The following GPC6 variants were observed in gnomAD, a reference collection of about 807,000 sequenced individuals.
GPC6 encodes the protein glypican 6, also known as glypican-6.
GPC6 carries 14 observed loss-of-function variants against 55.2 expected under a neutral mutation model. The observed-to-expected ratio is 0.25, with a 90% CI of 0.17 to 0.40. GPC6 has a LOEUF of 0.40. Among genes scored for constraint, GPC6 ranks in the 10% least tolerant of loss-of-function variants. The pLI is 1.00. For synonymous variants in GPC6, 278 were observed against 259.6 expected, an observed-to-expected ratio of 1.07 and a Z score of -0.68; for missense variants, 641 against 708.5, an observed-to-expected ratio of 0.90 and a Z score of 1.08.
At chr13:93,329,521 A>G (rs1329186762) in intron 1 of GPC6, among the ~76,000 whole-genome samples, 1 of 152,336 alleles carries the variant, frequency 6.6e-6, no homozygotes, top group East Asian at 1.9e-4. Flanking sequence ...AGGTTTTGAT[A>G]GCTAATAGGG....
chr13:93,672,440 T>C (rs1262099089), intron 2 of GPC6, among the ~76,000 whole-genome samples: 1 of 152,030 alleles, frequency 6.6e-6, no homozygotes, highest in Non-Finnish European at 1.5e-5. Flanking sequence ...AGCATGTCAG[T>C]TCACTGAGAG....
chr13:93,688,755 A>G (rs1594373419), intron 2 of GPC6, among the ~76,000 whole-genome samples: 1 of 152,056 alleles, frequency 6.6e-6, no homozygotes, highest in Non-Finnish European at 1.5e-5. Flanking sequence ...TAGAAGTTAT[A>G]AAGTGCTGAG....
At chr13:93,409,256 A>G (rs1358307143) in intron 1 of GPC6, among the ~76,000 whole-genome samples, 2 of 151,918 alleles carry the variant, frequency 1.3e-5, no homozygotes, top group East Asian at 1.9e-4. Context: ...TGCCCTACTC[A>G]TTAGTGATTA....
At chr13:93,626,508 T>TA (rs1288755971) in intron 2 of GPC6, among the ~76,000 whole-genome samples, 1 of 152,098 alleles carries the variant, frequency 6.6e-6, no homozygotes, top group African/African-American at 2.4e-5. Context: ...TGCACTGCTA[T>TA]AAAAAATTCC....
intron 2 of GPC6, among the ~76,000 whole-genome samples, chr13:93,805,808 T>G (rs1594472990): frequency 6.6e-6 from 1 of 152,324 alleles, no homozygotes; most frequent in South Asian, 2.1e-4. Flanking sequence ...GGTTTCAACT[T>G]AATTCCCTCA....
intron 3 of GPC6, among the ~76,000 whole-genome samples, chr13:93,972,145 C>G (rs553557013): frequency 4.3e-4 from 65 of 152,122 alleles, no homozygotes; most frequent in Non-Finnish European, 8.5e-4. Flanking sequence ...GCAAATGAAG[C>G]CTGGCAGCAA....
intron 1 of GPC6, among the ~76,000 whole-genome samples, chr13:93,381,616 C>T (rs1007381638): frequency 2.6e-5 from 4 of 152,102 alleles, no homozygotes; most frequent in Non-Finnish European, 4.4e-5. Context: ...TGTCTGGGAA[C>T]GTGTCATTGA....
At chr13:94,109,581 G>A (rs9301936) in intron 4 of GPC6, among the ~76,000 whole-genome samples, 1 of 151,828 alleles carries the variant, frequency 6.6e-6, no homozygotes, top group Non-Finnish European at 1.5e-5. Context: ...AGTAGTTGTC[G>A]AATTCAGTAA....
chr13:93,682,366 C>T (rs916017898), intron 2 of GPC6, among the ~76,000 whole-genome samples: 6 of 152,136 alleles, frequency 3.9e-5, no homozygotes, highest in African/African-American at 1.4e-4. Flanking sequence ...GGGATGCCCC[C>T]ATCCAGCCAT....
chr13:93,860,901 G>A (rs1316102676), intron 3 of GPC6, among the ~76,000 whole-genome samples: 1 of 151,444 alleles, frequency 6.6e-6, no homozygotes, highest in Non-Finnish European at 1.5e-5. Context: ...AACTCACTAA[G>A]TCATTTTTAT....
chr13:94,311,905 G>A (rs939147810), intron 6 of GPC6, among the ~76,000 whole-genome samples: 2 of 152,170 alleles, frequency 1.3e-5, no homozygotes, highest in African/African-American at 2.4e-5. Context: ...GGTTCTGTTC[G>A]ATTGGTCCCA....
chr13:93,989,181 C>T (rs542055069), intron 3 of GPC6, among the ~76,000 whole-genome samples: 2 of 152,276 alleles, frequency 1.3e-5, no homozygotes, highest in Non-Finnish European at 2.9e-5. Context: ...GTGATGCCTT[C>T]TCTCCTCTAA....
intron 2 of GPC6, among the ~76,000 whole-genome samples, chr13:93,708,232 A>G (rs1674359427): frequency 6.6e-6 from 1 of 151,816 alleles, no homozygotes; most frequent in Non-Finnish European, 1.5e-5. Context: ...TTTTAAACAC[A>G]TAGTACTCAA....
At chr13:93,651,104 G>A (rs1880389244) in intron 2 of GPC6, among the ~76,000 whole-genome samples, 1 of 152,098 alleles carries the variant, frequency 6.6e-6, no homozygotes, top group Non-Finnish European at 1.5e-5. Flanking sequence ...ACCTTTTAAT[G>A]AACTCTGCAT....
chr13:94,372,182 TATA>T (rs1242057886), intron 6 of GPC6, among the ~76,000 whole-genome samples: 1 of 152,104 alleles, frequency 6.6e-6, no homozygotes, highest in East Asian at 1.9e-4. Context: ...AGTTGTCTCA[TATA>T]ATATCTCATC....
At chr13:93,996,510 C>A (rs1881563896) in intron 3 of GPC6, among the ~76,000 whole-genome samples, 1 of 151,798 alleles carries the variant, frequency 6.6e-6, no homozygotes, top group Non-Finnish European at 1.5e-5. Context: ...GTGCATGGAC[C>A]GGGGAGAATA....
chr13:94,153,840 T>C (rs894446043), intron 4 of GPC6, among the ~76,000 whole-genome samples: 22 of 152,194 alleles, frequency 1.4e-4, no homozygotes, highest in African/African-American at 4.8e-4. Flanking sequence ...AGGTGATTCT[T>C]ATGTGCAATA....
At chr13:94,166,381 G>T (rs1438604628) in intron 4 of GPC6, among the ~76,000 whole-genome samples, 1 of 152,016 alleles carries the variant, frequency 6.6e-6, no homozygotes, top group African/African-American at 2.4e-5. Flanking sequence ...CTTTTCCTAG[G>T]CTTTGCCTTC....
chr13:94,367,882 G>C (rs1207166396), intron 6 of GPC6, among the ~76,000 whole-genome samples: 1 of 151,994 alleles, frequency 6.6e-6, no homozygotes, highest in Non-Finnish European at 1.5e-5. Flanking sequence ...CGGGCACCAT[G>C]GCTCACACCT....
Sources: gnomAD v4.1 joint callset for allele counts (sites outside exome capture counted in the v4.1 genomes callset) on GRCh38, gnomAD v4.1.1 for gene constraint, MANE v1.5 for transcripts, NCBI Gene and HGNC (gene_info 2026-07-23, HGNC 2026-07-21) for gene names.